Variants in SV2B observed in about 807,000 individuals in gnomAD.
SV2B encodes solute carrier family 22 member B2.
In SV2B, 41 loss-of-function variants were observed where a neutral mutation model predicts 73.9. That is an observed-to-expected ratio of 0.56 (90% confidence interval 0.43 to 0.72). The LOEUF (loss-of-function observed/expected upper bound fraction) is 0.72. SV2B is among the 30% of genes least tolerant of loss of function. The pLI is 0.00. For synonymous variants in SV2B, 314 were observed against 314.2 expected (o/e 1.00, Z 0.01); for missense variants, 764 against 857.8 (o/e 0.89, Z 1.37).
At position 91,239,101 on chromosome 15, in the gene SV2B, T is replaced by C. The variant is rs1388854110; in HGVS notation, c.451+12387T>C. Among the ~76,000 whole-genome samples the C allele has an allele frequency of 1.3e-5, 2 of 152,200 alleles. No individual in the cohort carries two copies. Among genetic ancestry groups the C allele is most frequent in the African/African-American group, 4.8e-5 (2 of 41,452 alleles). ...CAGGGATGGAAGAAAGGGGGTGTGATAGAAGGTCCTGGAAATGTAATAGCC... is the reference window on the plus strand; with the variant it reads ...CAGGGATGGAAGAAAGGGGGTGTGACAGAAGGTCCTGGAAATGTAATAGCC... On this transcript the variant is annotated intron_variant, in intron 2 of 12. Transcript: ENST00000394232. This position sits in a 1 kb window ranked among gnomAD's most constrained non-coding sequence, Gnocchi z 5.1.
intron 1 of SV2B, among the ~76,000 whole-genome samples, chr15:91,145,217 C>A (rs2043112927): frequency 6.6e-6 from 1 of 152,152 alleles, no homozygotes; most frequent in African/African-American, 2.4e-5. Context: ...AATTAGCTCT[C>A]ACTTATAAGT....
chr15:91,260,657 T>C (rs1265995404), intron 6 of SV2B, among the ~76,000 whole-genome samples: 1 of 152,138 alleles, frequency 6.6e-6, no homozygotes, highest in African/African-American at 2.4e-5. Context: ...TCCCAGCACT[T>C]TGGAAGGCTG....
rs2049435742 is a variant in SV2B at position 91,301,267 on chromosome 15, G to A, written c.*8715G>A. 6.6e-6 allele frequency: 1 copy of A among 152,184 alleles called. No homozygotes were observed. Among genetic ancestry groups the A allele is most frequent in the African/African-American group, 2.4e-5 (1 of 41,428 alleles). 9.4% of individuals were successfully genotyped at this position (152,184 alleles called of 1,614,324 possible). A position where few individuals can be genotyped will look rare whatever the true frequency, so the allele number is the denominator to read the frequency against. The stretch of plus-strand genomic sequence containing the variant: ...TCTATGCATAGTGAATGCAGCTTCT[G>A]AATTATTAAACTGATGCTATAAATG... On this transcript the variant is annotated 3_prime_UTR_variant, in exon 13 of 13. Coordinates refer to ENST00000394232, the MANE Select transcript of SV2B (RefSeq NM_001323032.3). The surrounding 1 kb of genome is among the most constrained non-coding windows in gnomAD (Gnocchi z 4.3).
chr15:91,159,517 T>C (rs2141244956), intron 1 of SV2B, among the ~76,000 whole-genome samples: 1 of 152,284 alleles, frequency 6.6e-6, no homozygotes, highest in East Asian at 1.9e-4. Flanking sequence ...TCAGCAATGA[T>C]TTTTGATAAA....
intron 1 of SV2B, among the ~76,000 whole-genome samples, chr15:91,179,359 T>A (rs1232316896): frequency 6.6e-6 from 1 of 152,182 alleles, no homozygotes. Context: ...CTGAAAAAAA[T>A]ATATATTTTG....
In SV2B at chr15:91,288,338, G is replaced by T. The variant is rs1419680905; in HGVS notation, c.1709-1183G>T. On this transcript the variant is annotated intron_variant, in intron 11 of 12. Coordinates refer to ENST00000394232, the MANE Select transcript of SV2B (RefSeq NM_001323032.3). The surrounding 1 kb of genome is among the most constrained non-coding windows in gnomAD (Gnocchi z 5.8). ...ATGTGATATTTTCATGCATATATACGATGTGGAATGATTAAGTCAAGCTAA... is the reference window on the plus strand; with the variant it reads ...ATGTGATATTTTCATGCATATATACTATGTGGAATGATTAAGTCAAGCTAA... Among the ~76,000 whole-genome samples the T allele has an allele frequency of 1.3e-5, 2 of 152,020 alleles. No homozygotes were observed. The highest frequency in any genetic ancestry group is 1.5e-5 in the Non-Finnish European group (1 of 68,012).
chr15:91,215,739 T>A (rs2046003565), intron 1 of SV2B, among the ~76,000 whole-genome samples: 1 of 152,192 alleles, frequency 6.6e-6, no homozygotes, highest in Non-Finnish European at 1.5e-5. Context: ...GATTTAGCTG[T>A]ATAAATATCT....
In SV2B at chr15:91,100,844, C is replaced by A. The variant is rs961195539; in HGVS notation, c.-392+481C>A. On this transcript the variant is annotated intron_variant, in intron 1 of 12. Coordinates refer to ENST00000394232, the MANE Select transcript of SV2B (RefSeq NM_001323032.3). The surrounding 1 kb of genome is among the most constrained non-coding windows in gnomAD (Gnocchi z 6.4). ...AGTGTGTATTTCTGTATGTGCAGGG[C>A]GCCCTCCGTGGGCGTGGGAGCCGTT... 6.6e-6 allele frequency among the ~76,000 whole-genome samples: 1 copy of A among 152,178 alleles called. No individual in the cohort carries two copies. Among genetic ancestry groups the A allele is most frequent in the African/African-American group, 2.4e-5 (1 of 41,458 alleles).
In SV2B at chr15:91,134,004, C is replaced by CTTTTTTTTTTTTTTTTTT. The variant is rs10637206; in HGVS notation, c.-392+33653_-392+33654insTTTTTTTTTTTTTTTTTT. Among the ~76,000 whole-genome samples, 238 of 106,206 alleles carry CTTTTTTTTTTTTTTTTTT rather than the reference C, an allele frequency of 2.2e-3. 25 individuals carry two copies. The highest frequency in any genetic ancestry group is 8.0e-3 in the African/African-American group (200 of 25,120). The allele number at this position is 106,206 out of a possible 152,430, so 69.7% of individuals were successfully genotyped here. On this transcript the variant is annotated intron_variant, in intron 1 of 12. Transcript: ENST00000394232. ...TGCCTCTTCACCACTTTCTTTCTTC[C>CTTTTTTTTTTTTTTTTTT]TTTTTTTTTTTTGAGATGGAGTCTT...
chr15:91,274,805 C>T (rs1363250848), intron 9 of SV2B, among the ~76,000 whole-genome samples: 2 of 151,964 alleles, frequency 1.3e-5, no homozygotes, highest in African/African-American at 2.4e-5. Flanking sequence ...TGTGTTAGGA[C>T]TTTGTTTTTG....
chr15:91,238,947 G>T (rs2046897849), intron 2 of SV2B, among the ~76,000 whole-genome samples: 1 of 152,208 alleles, frequency 6.6e-6, no homozygotes, highest in Non-Finnish European at 1.5e-5. Context: ...ACTCTTTGAG[G>T]CCAGTGGGTG....
chr15:91,144,896 GTTT>G (rs57977211), intron 1 of SV2B, among the ~76,000 whole-genome samples: 3 of 143,130 alleles, frequency 2.1e-5, no homozygotes, highest in African/African-American at 7.6e-5. Flanking sequence ...GAAGAGAACT[GTTT>G]TTTTTTTTTT....
At chr15:91,166,621 C>T (rs879803704) in intron 1 of SV2B, among the ~76,000 whole-genome samples, 8 of 151,824 alleles carry the variant, frequency 5.3e-5, no homozygotes, top group East Asian at 1.9e-4. Context: ...CCATAGGTCC[C>T]GAATCTGTAT....
At position 91,122,433 on chromosome 15, in the gene SV2B, G is replaced by C. The variant is rs561213262; in HGVS notation, c.-392+22070G>C. On this transcript the variant is annotated intron_variant, in intron 1 of 12. Transcript: ENST00000394232. This position sits in a 1 kb window ranked among gnomAD's most constrained non-coding sequence, Gnocchi z 4.3. ...TGTCTGAATAATTTTTAATGGCTCA[G>C]CTTTCTCCTGCTGGGTTGACTCTCT... 6.6e-6 allele frequency among the ~76,000 whole-genome samples: 1 copy of C among 152,216 alleles called. No individual in the cohort carries two copies. The highest frequency in any genetic ancestry group is 1.5e-5 in the Non-Finnish European group (1 of 68,038).
intron 1 of SV2B, among the ~76,000 whole-genome samples, chr15:91,150,775 A>G (rs1301748125): frequency 1.3e-5 from 2 of 152,254 alleles, no homozygotes; most frequent in Non-Finnish European, 2.9e-5. Context: ...ATCATGCCAC[A>G]AAATCATGTC....
chr15:91,117,769 AGACATGGCAAAGT>A (rs1231177976), intron 1 of SV2B, among the ~76,000 whole-genome samples: 3 of 152,238 alleles, frequency 2.0e-5, no homozygotes, highest in Admixed American at 1.3e-4. Flanking sequence ...TCACAGTAGA[AGACATGGCAAAGT>A]GACATGGCAA....
chr15:91,287,946 T>C (rs2048916593), intron 11 of SV2B, among the ~76,000 whole-genome samples: 1 of 152,124 alleles, frequency 6.6e-6, no homozygotes, highest in South Asian at 2.1e-4. Flanking sequence ...TGGGAGGAAC[T>C]GGGGTCTTGG....
At chr15:91,217,132 A>G (rs1471837072) in intron 1 of SV2B, among the ~76,000 whole-genome samples, 1 of 152,132 alleles carries the variant, frequency 6.6e-6, no homozygotes, top group Non-Finnish European at 1.5e-5. Flanking sequence ...CCGCCTCAGC[A>G]TCCCAAAGTG....
intron 1 of SV2B, chr15:91,102,451 C>T (rs146454646): frequency 5.9e-5 from 9 of 152,200 alleles, no homozygotes; most frequent in South Asian, 2.1e-4. Flanking sequence ...CATTGTTACC[C>T]GATCATCATA....
Sources: allele counts gnomAD v4.1 joint callset (sites outside exome capture counted in the v4.1 genomes callset), GRCh38; gene constraint gnomAD v4.1.1; non-coding constraint Gnocchi (gnomAD v3.1); transcripts MANE v1.5; gene names NCBI Gene and HGNC (gene_info 2026-07-23, HGNC 2026-07-21).